The following ATXN7L1 variants were observed in gnomAD, a reference collection of about 807,000 sequenced individuals.
ATXN7L1 encodes ataxin 7 like 1.
A neutral mutation model predicts 70.8 loss-of-function variants in ATXN7L1; 15 were observed. That is an observed-to-expected ratio of 0.21 (90% CI 0.14 to 0.33). The LOEUF is 0.33. ATXN7L1 is among the 10% of genes least tolerant of loss of function. The pLI is 1.00. For synonymous variants in ATXN7L1, 440 were observed against 445.1 expected (o/e 0.99, Z 0.14); for missense variants, 975 against 1,097.1 (o/e 0.89, Z 1.57).
intron 3 of ATXN7L1, among the ~76,000 whole-genome samples, chr7:105,780,506 T>A (rs1443395075): frequency 6.6e-6 from 1 of 151,812 alleles, no homozygotes; most frequent in East Asian, 1.9e-4. Context: ...AAAAATCTAA[T>A]CCTCTCTTGT....
At chr7:105,721,296 C>T (rs1464048491) in intron 3 of ATXN7L1, among the ~76,000 whole-genome samples, 2 of 152,118 alleles carry the variant, frequency 1.3e-5, no homozygotes, top group African/African-American at 4.8e-5. Context: ...TTCCAGCTTC[C>T]CTTGAGGGAG....
In ATXN7L1 at chr7:105,614,438, C is replaced by T; in HGVS notation, c.1896G>A (p.Leu632=). ...KTSKSSKVKD[L]STRSDESPSN... ...TTGGAGACTCGTCGCTACGGGTGGA[C>T]AGGTCTTTGACTTTTGAGGATTTGC... The change falls in exon 10 of 12, where the codon CTG becomes CTA. Residue 632 remains leucine, a synonymous_variant. Transcript: ENST00000419735. This position sits in a 1 kb window ranked among gnomAD's most constrained non-coding sequence, Gnocchi z 4.3. 1 of 1,547,792 alleles carries T rather than the reference C, an allele frequency of 6.5e-7. No individual in the cohort carries two copies. Among genetic ancestry groups the T allele is most frequent in the Admixed American group, 2.0e-5 (1 of 50,418 alleles).
intron 3 of ATXN7L1, among the ~76,000 whole-genome samples, chr7:105,716,928 A>C (rs905169116): frequency 6.6e-6 from 1 of 152,102 alleles, no homozygotes; most frequent in East Asian, 1.9e-4. Flanking sequence ...CTAATTATTA[A>C]AATGATAAGT....
At chr7:105,737,379 T>C (rs911449168) in intron 3 of ATXN7L1, among the ~76,000 whole-genome samples, 1 of 152,264 alleles carries the variant, frequency 6.6e-6, no homozygotes, top group African/African-American at 2.4e-5. Flanking sequence ...GCTTTACTTG[T>C]ACTAAACTCA....
intron 2 of ATXN7L1, among the ~76,000 whole-genome samples, chr7:105,837,797 C>T (rs1812624993): frequency 6.6e-6 from 1 of 152,166 alleles, no homozygotes. Context: ...TCTCCACTCA[C>T]ATGGCGAGCC....
At chr7:105,795,744 T>C (rs536019883) in intron 2 of ATXN7L1, among the ~76,000 whole-genome samples, 41 of 152,268 alleles carry the variant, frequency 2.7e-4, no homozygotes, top group African/African-American at 8.9e-4. Flanking sequence ...ACGCTCACCA[T>C]AGAGAATCCC....
At position 105,724,709 on chromosome 7, in the gene ATXN7L1, T is replaced by G. The variant is rs111285767; in HGVS notation, c.356-59421A>C. Among the ~76,000 whole-genome samples the G allele has an allele frequency of 8.6e-3, 1,311 of 151,990 alleles. 16 individuals are homozygous for G. Among genetic ancestry groups the G allele is most frequent in the African/African-American group, 0.03 (1,257 of 41,474 alleles). On this transcript the variant is annotated intron_variant, in intron 3 of 11. Coordinates refer to ENST00000419735, the MANE Select transcript of ATXN7L1 (RefSeq NM_020725.2). ...CTCTCCTCACTTCTGTTGTCACCAG[T>G]GATCTTCACTGTTCTTGGGATTGTG...
At chr7:105,776,612 T>A (rs999182608) in intron 3 of ATXN7L1, among the ~76,000 whole-genome samples, 1 of 152,074 alleles carries the variant, frequency 6.6e-6, no homozygotes, top group African/African-American at 2.4e-5. Context: ...GGGGTCCTTG[T>A]TCCTTGAGAG....
chr7:105,620,416 G>T, intron 8 of ATXN7L1, 95 bp from the exon 9 acceptor site: 3 of 1,307,790 alleles, frequency 2.3e-6, no homozygotes, highest in Non-Finnish European at 3.1e-6. Context: ...AACATACAAG[G>T]GCACAGTTTT....
intron 3 of ATXN7L1, among the ~76,000 whole-genome samples, chr7:105,692,694 G>A (rs886651805): frequency 4.6e-5 from 7 of 151,896 alleles, no homozygotes; most frequent in Admixed American, 6.6e-5. Context: ...CGATCAACCC[G>A]TCTCAGCCTC....
At chr7:105,632,148 G>C (rs894480354) in intron 7 of ATXN7L1, among the ~76,000 whole-genome samples, 4 of 152,178 alleles carry the variant, frequency 2.6e-5, no homozygotes, top group African/African-American at 7.2e-5. Flanking sequence ...AACACTGCTG[G>C]AGCATCCCCA....
At chr7:105,802,123 C>A (rs968482465) in intron 2 of ATXN7L1, among the ~76,000 whole-genome samples, 18 of 152,238 alleles carry the variant, frequency 1.2e-4, no homozygotes, top group Admixed American at 3.3e-4. Context: ...TAAACCCCAG[C>A]CTTGGGCCAA....
intron 3 of ATXN7L1, among the ~76,000 whole-genome samples, chr7:105,744,042 C>T (rs1247220313): frequency 2.0e-5 from 3 of 152,130 alleles, no homozygotes; most frequent in Non-Finnish European, 4.4e-5. Flanking sequence ...AGGTCTGGTT[C>T]AATGCCCAGT....
chr7:105,752,221 G>A (rs537707378), intron 3 of ATXN7L1, among the ~76,000 whole-genome samples: 1 of 152,166 alleles, frequency 6.6e-6, no homozygotes, highest in Non-Finnish European at 1.5e-5. Context: ...TGTTGCCTTT[G>A]ACCTCGATGG....
intron 2 of ATXN7L1, among the ~76,000 whole-genome samples, chr7:105,790,366 T>C (rs958947569): frequency 9.9e-5 from 15 of 151,948 alleles, no homozygotes; most frequent in Admixed American, 7.9e-4. Flanking sequence ...CTTTGGGAGG[T>C]AGGATGATCA....
At chr7:105,781,455 AC>A (rs1482340041) in intron 3 of ATXN7L1, among the ~76,000 whole-genome samples, 10 of 152,186 alleles carry the variant, frequency 6.6e-5, no homozygotes, top group African/African-American at 2.4e-4. Flanking sequence ...TTTTTGTCTT[AC>A]ATACATGCCT....
intron 2 of ATXN7L1, among the ~76,000 whole-genome samples, chr7:105,796,098 C>T (rs1228957822): frequency 1.3e-5 from 2 of 152,168 alleles, no homozygotes; most frequent in Non-Finnish European, 2.9e-5. Context: ...GGCGTGGTGG[C>T]TCACGCCTGT....
chr7:105,633,711 ACT>A (rs933913085), intron 7 of ATXN7L1, among the ~76,000 whole-genome samples: 2 of 152,030 alleles, frequency 1.3e-5, no homozygotes, highest in African/African-American at 2.4e-5. Context: ...CAGGGGGGAG[ACT>A]CTGTCTCAAA....
chr7:105,839,141 A>C (rs530016404), intron 2 of ATXN7L1, among the ~76,000 whole-genome samples: 1 of 151,962 alleles, frequency 6.6e-6, no homozygotes, highest in East Asian at 1.9e-4. Flanking sequence ...ACAAATACAG[A>C]GGTTTTTCCT....
Sources: gnomAD v4.1 joint callset for allele counts (sites outside exome capture counted in the v4.1 genomes callset) on GRCh38, gnomAD v4.1.1 for gene constraint, Gnocchi (gnomAD v3.1) non-coding constraint, MANE v1.5 for transcripts, NCBI Gene and HGNC (gene_info 2026-07-23, HGNC 2026-07-21) for gene names.